The following SMN2 variants were observed in gnomAD, a reference collection of about 807,000 sequenced individuals.
SMN2 encodes survival motor neuron protein.
SMN2 carries 1 observed loss-of-function variant against 2.8 expected under a neutral mutation model. That is an observed-to-expected ratio of 0.35 (90% CI 0.13 to 1.68). The LOEUF (loss-of-function observed/expected upper bound fraction) is 1.68. SMN2 is among the 40% of genes most tolerant of loss of function. SMN2 has a pLI of 0.35. For missense variants in SMN2, 12 were observed against 16.9 expected (o/e 0.71, Z 0.51); for synonymous variants, 5 against 5.0 (o/e 0.99, Z 0.01).
downstream of SMN2, among the ~76,000 whole-genome samples, chr5:70,079,575 G>A (rs1332078045): frequency 2.2e-5 from 3 of 139,266 alleles, no homozygotes; most frequent in Non-Finnish European, 3.0e-5. Flanking sequence ...AAGCAACAAC[G>A]CAAAACCCCT....
chr5:70,074,766 G>A (rs1234988868), intron 7 of SMN2, among the ~76,000 whole-genome samples: 2 of 129,940 alleles, frequency 1.5e-5, no homozygotes, highest in Admixed American at 7.8e-5. Context: ...GCCAAGGCAG[G>A]CGAATCACCT....
intron 7 of SMN2, among the ~76,000 whole-genome samples, chr5:70,076,065 G>A (rs1422158977): frequency 8.0e-6 from 1 of 124,478 alleles, no homozygotes; most frequent in African/African-American, 3.6e-5. Context: ...ATGTTGGCCA[G>A]GCTGTTCTCG....
chr5:70,082,018 T>C (rs1422997220), downstream of SMN2, among the ~76,000 whole-genome samples: 2 of 133,314 alleles, frequency 1.5e-5, no homozygotes, highest in Admixed American at 7.6e-5. Context: ...ATAGCTCTTA[T>C]TATTTTGAGA....
chr5:70,068,405 G>T (rs1204451926), intron 5 of SMN2, among the ~76,000 whole-genome samples: 1 of 28,088 alleles, frequency 3.6e-5, no homozygotes, highest in Admixed American at 4.2e-4. Context: ...TTGCTCTGTC[G>T]CTCAGGCTGG....
downstream of SMN2, among the ~76,000 whole-genome samples, chr5:70,079,356 C>G (rs1252801399): frequency 7.1e-6 from 1 of 141,570 alleles, no homozygotes; most frequent in African/African-American, 2.9e-5. Context: ...TGCTTGAACC[C>G]GGGAGGTGGA....
At chr5:70,052,579 G>A (rs1443703503) in intron 1 of SMN2, among the ~76,000 whole-genome samples, 1 of 29,704 alleles carries the variant, frequency 3.4e-5, no homozygotes, top group African/African-American at 1.1e-4. Context: ...AAAATTAGCC[G>A]GGCGTGGTGG....
rs531504400 is a variant in SMN2 at position 70,076,106 on chromosome 5, C to T, written c.835-415C>T. 2.1e-4 allele frequency among the ~76,000 whole-genome samples: 25 copies of T among 119,446 alleles called. 4 individuals carry two copies. The highest frequency in any genetic ancestry group is 2.6e-4 in the Non-Finnish European group (15 of 58,700). 78.4% of individuals were successfully genotyped at this position (119,446 alleles called of 152,430 possible). A position where few individuals can be genotyped will look rare whatever the true frequency, so the allele number is the denominator to read the frequency against. On this transcript the variant is annotated intron_variant, in intron 7 of 8. Transcript: ENST00000380743. ...CTGAGCTCAGGTGATCCAACTGTCT[C>T]GGCCTCCCAAAGTGCTGGGATTACA...
At chr5:70,080,368 CATT>C (rs1428478188), downstream of SMN2, among the ~76,000 whole-genome samples, 1 of 121,134 alleles carries the variant, frequency 8.3e-6, no homozygotes, top group Non-Finnish European at 1.7e-5. Context: ...GATATATCAT[CATT>C]ACCCTTTTTG....
At chr5:70,084,631 TAAA>T in the SMN2 span, among the ~76,000 whole-genome samples, 1 of 137,776 alleles carries the variant, frequency 7.3e-6, no homozygotes, top group Non-Finnish European at 1.5e-5. Context: ...ATTGAATAGT[TAAA>T]AATGATTATC....
downstream of SMN2, among the ~76,000 whole-genome samples, chr5:70,080,189 G>A (rs1284614464): frequency 5.4e-5 from 7 of 129,500 alleles, 2 homozygotes; most frequent in South Asian, 2.5e-4. Context: ...AAATTAGCTC[G>A]GCATGGTGGT....
At chr5:70,070,154 G>C (rs1774549343) in intron 6 of SMN2, among the ~76,000 whole-genome samples, 1 of 133,544 alleles carries the variant, frequency 7.5e-6, no homozygotes, top group Non-Finnish European at 1.5e-5. Flanking sequence ...TGAGCTGTGT[G>C]TGTGTGTGTG....
the SMN2 span, among the ~76,000 whole-genome samples, chr5:70,083,846 A>C: frequency 7.5e-6 from 1 of 132,752 alleles, no homozygotes; most frequent in African/African-American, 3.4e-5. Flanking sequence ...AGATATACCT[A>C]ATGCTAAATG....
chr5:70,076,009 A>G (rs1164868503), intron 7 of SMN2, among the ~76,000 whole-genome samples: 1 of 125,622 alleles, frequency 8.0e-6, no homozygotes, highest in Non-Finnish European at 1.6e-5. Context: ...CCCCACCACC[A>G]TGCCTGGCTA....
downstream of SMN2, among the ~76,000 whole-genome samples, chr5:70,079,431 CAA>C (rs58866189): frequency 8.9e-3 from 920 of 103,868 alleles, 5 homozygotes; most frequent in South Asian, 0.027. Context: ...GACTCCGTCT[CAA>C]AAAAAAAAAA....
the SMN2 span, among the ~76,000 whole-genome samples, chr5:70,085,139 G>C: frequency 1.6e-5 from 2 of 128,668 alleles, no homozygotes; most frequent in Non-Finnish European, 3.2e-5. Context: ...AGGTGCATGC[G>C]GGCTGTGAGG....
chr5:70,088,377 G>C, the SMN2 span, among the ~76,000 whole-genome samples: 2 of 94,966 alleles, frequency 2.1e-5, no homozygotes, highest in Non-Finnish European at 3.9e-5. Context: ...GGTTGGAAGA[G>C]TTTACAGGGC....
At chr5:70,088,542 A>AT in the SMN2 span, among the ~76,000 whole-genome samples, 3 of 87,904 alleles carry the variant, frequency 3.4e-5, no homozygotes, top group South Asian at 4.1e-4. Flanking sequence ...GGTTCAAGTG[A>AT]TTTTCTGCCT....
intron 1 of SMN2, among the ~76,000 whole-genome samples, chr5:70,052,837 G>A (rs1206892601): frequency 9.7e-6 from 1 of 103,506 alleles, no homozygotes; most frequent in Non-Finnish European, 2.1e-5. Context: ...ACCCGAGATC[G>A]TGCCACTGTA....
chr5:70,082,021 T>C (rs1192788182), downstream of SMN2, among the ~76,000 whole-genome samples: 1 of 133,718 alleles, frequency 7.5e-6, no homozygotes, highest in East Asian at 2.1e-4. Flanking sequence ...GCTCTTATTA[T>C]TTTGAGATAC....
Sources: gnomAD v4.1 joint callset for allele counts (sites outside exome capture counted in the v4.1 genomes callset) on GRCh38, gnomAD v4.1.1 for gene constraint, MANE v1.5 for transcripts, NCBI Gene and HGNC (gene_info 2026-07-23, HGNC 2026-07-21) for gene names.